DOCK10: variants seen among roughly 807,000 people sequenced by gnomAD.
The protein encoded by DOCK10 is dedicator of cytokinesis protein 10.
A neutral mutation model predicts 280.1 loss-of-function variants in DOCK10; 145 were observed. The observed-to-expected ratio is 0.52, with a 90% CI of 0.45 to 0.59. DOCK10 has a LOEUF of 0.59. Ranked by LOEUF, DOCK10 falls within the 20% of genes least tolerant of loss-of-function variation. DOCK10 has a pLI of 0.00. For missense variants in DOCK10, 2,368 were observed against 2,651.7 expected (o/e 0.89, Z 2.35); for synonymous variants, 915 against 942.2 (o/e 0.97, Z 0.53).
intron 3 of DOCK10, among the ~76,000 whole-genome samples, chr2:224,902,255 G>A (rs1465063834): frequency 1.3e-5 from 2 of 152,100 alleles, no homozygotes; most frequent in East Asian, 3.9e-4. Flanking sequence ...ATAGTAATAA[G>A]CAAGTAACAT....
chr2:224,819,562 T>TAAAGAA, intron 28 of DOCK10, 33 bp from the exon 29 acceptor site: 1 of 1,401,020 alleles, frequency 7.1e-7, no homozygotes, highest in Non-Finnish European at 9.9e-7. Flanking sequence ...TTTAAACACT[T>TAAAGAA]TTACTTGAAG....
chr2:225,035,309 A>G (rs1690189930), intron 1 of DOCK10, among the ~76,000 whole-genome samples: 1 of 151,942 alleles, frequency 6.6e-6, no homozygotes, highest in African/African-American at 2.4e-5. Context: ...ACCACATTAT[A>G]GCATATGGGG....
intron 1 of DOCK10, among the ~76,000 whole-genome samples, chr2:224,943,284 A>C (rs932274875): frequency 6.6e-6 from 1 of 152,186 alleles, no homozygotes; most frequent in Non-Finnish European, 1.5e-5. Context: ...AATTAGATTA[A>C]TAAGGGAAAC....
intron 3 of DOCK10, among the ~76,000 whole-genome samples, chr2:224,909,807 T>TTTTTTTTTTTTTTGTTTTTTTGTTTTTTG (rs1553611074): frequency 6.6e-6 from 1 of 151,960 alleles, no homozygotes; most frequent in Non-Finnish European, 1.5e-5. Context: ...TGCAGTGTTT[T>TTTTTTTTTTTTTTGTTTTTTTGTTTTTTG]AATGGATGTG....
At chr2:225,034,454 A>G (rs977539363) in intron 1 of DOCK10, among the ~76,000 whole-genome samples, 1 of 152,222 alleles carries the variant, frequency 6.6e-6, no homozygotes, top group African/African-American at 2.4e-5. Context: ...GCAGGATTGC[A>G]TTTCCAATGC....
At chr2:224,873,070 A>G (rs1698389478) in intron 11 of DOCK10, among the ~76,000 whole-genome samples, 1 of 152,162 alleles carries the variant, frequency 6.6e-6, no homozygotes, top group Admixed American at 6.5e-5. Flanking sequence ...ACTCACACAA[A>G]TATCAGTGAA....
chr2:224,828,047 C>T (rs1694983955), intron 27 of DOCK10, among the ~76,000 whole-genome samples: 2 of 152,226 alleles, frequency 1.3e-5, no homozygotes, highest in African/African-American at 4.8e-5. Flanking sequence ...AGGCCTCTCC[C>T]TGCTAGAAAT....
intron 2 of DOCK10, among the ~76,000 whole-genome samples, chr2:224,921,112 A>AAAAAAAATATATATATATATATAT: frequency 7.4e-5 from 4 of 54,414 alleles, no homozygotes; most frequent in Non-Finnish European, 1.2e-4. Flanking sequence ...AAAAAAAAAA[A>AAAAAAAATATATATATATATATAT]ATATATATAT....
At chr2:224,946,734 T>C in intron 1 of DOCK10, 7 of 719,502 alleles carry the variant, frequency 9.7e-6, no homozygotes, top group Non-Finnish European at 1.5e-5. Context: ...TTCTGTTCCA[T>C]ATAAGACTTC....
At chr2:224,897,196 T>C (rs1453627907) in intron 3 of DOCK10, among the ~76,000 whole-genome samples, 1 of 152,254 alleles carries the variant, frequency 6.6e-6, no homozygotes, top group Admixed American at 6.5e-5. Flanking sequence ...TTTTCAGTTT[T>C]ATCTCATGCC....
chr2:224,899,560 G>A (rs961435439), intron 3 of DOCK10, among the ~76,000 whole-genome samples: 5 of 152,192 alleles, frequency 3.3e-5, no homozygotes, highest in African/African-American at 1.2e-4. Flanking sequence ...GGGGCTGGGA[G>A]ATTTGGAACA....
intron 1 of DOCK10, among the ~76,000 whole-genome samples, chr2:225,035,917 G>A (rs1690247836): frequency 6.6e-6 from 1 of 151,590 alleles, no homozygotes; most frequent in African/African-American, 2.4e-5. Flanking sequence ...CTTATCATAA[G>A]AGGTCCACTC....
chr2:224,794,827 C>T, intron 45 of DOCK10, 52 bp downstream of exon 45: 1 of 1,576,818 alleles, frequency 6.3e-7, no homozygotes, highest in Non-Finnish European at 8.7e-7. Context: ...ATCCAATTTT[C>T]CTGATAAAGA....
chr2:224,801,472 G>T (rs924253645), intron 40 of DOCK10, among the ~76,000 whole-genome samples: 1 of 152,042 alleles, frequency 6.6e-6, no homozygotes, highest in Admixed American at 6.6e-5. Flanking sequence ...GAAGAGAAAA[G>T]GTCAGAGTTT....
chr2:224,921,092 T>TAAA (rs781152272), intron 2 of DOCK10, among the ~76,000 whole-genome samples: 37 of 59,472 alleles, frequency 6.2e-4, no homozygotes, highest in African/African-American at 2.1e-3. Flanking sequence ...CCGTCTCTAT[T>TAAA]AAAAAAAAAA....
intron 4 of DOCK10, among the ~76,000 whole-genome samples, chr2:224,890,308 T>C (rs1319575641): frequency 2.0e-5 from 3 of 152,156 alleles, no homozygotes; most frequent in Admixed American, 1.3e-4. Flanking sequence ...AAGATACTTA[T>C]AAACAAGGAG....
At chr2:225,020,521 ATTAT>A (rs2106099198) in intron 1 of DOCK10, among the ~76,000 whole-genome samples, 1 of 152,374 alleles carries the variant, frequency 6.6e-6, no homozygotes, top group South Asian at 2.1e-4. Context: ...ATCATACATT[ATTAT>A]TTGTGAGAAC....
intron 1 of DOCK10, among the ~76,000 whole-genome samples, chr2:225,040,990 G>A (rs1283872462): frequency 6.6e-6 from 1 of 152,144 alleles, no homozygotes; most frequent in Non-Finnish European, 1.5e-5. Flanking sequence ...TGCAGCTAGT[G>A]TAAGTGCAAG....
At chr2:224,869,583 CAATGA>C (rs577931604) in intron 11 of DOCK10, among the ~76,000 whole-genome samples, 335 of 152,280 alleles carry the variant, frequency 2.2e-3, no homozygotes, top group African/African-American at 7.7e-3. Flanking sequence ...CTTATAGGCA[CAATGA>C]AATTATTTTT....
Sources: allele counts gnomAD v4.1 joint callset (sites outside exome capture counted in the v4.1 genomes callset), GRCh38; gene constraint gnomAD v4.1.1; transcripts MANE v1.5; gene names NCBI Gene and HGNC (gene_info 2026-07-23, HGNC 2026-07-21).